EYS: variants seen among roughly 807,000 people sequenced by gnomAD.
EYS encodes EGF-like photoreceptor maintenance factor.
In EYS, 250 loss-of-function variants were observed where a neutral mutation model predicts 282.1. The ratio of observed to expected loss-of-function variants is 0.89; its 90% CI spans 0.80 to 0.98. The LOEUF (loss-of-function observed/expected upper bound fraction) is 0.98, where lower values mean the gene tolerates loss of function less well. Among genes scored for constraint, EYS ranks in the 50% least tolerant of loss-of-function variants. EYS has a pLI of 0.00. For synonymous variants in EYS, 1,355 were observed against 1,282.9 expected (o/e 1.06, Z -1.20); for missense variants, 4,016 against 3,709.0 (o/e 1.08, Z -2.15).
chr6:63,816,987 TTCCAAGTACAGAAGGAA>T lies in EYS; in HGVS notation c.7229-10632_7229-10616del, dbSNP rs1212176289. On this transcript the variant is annotated intron_variant, in intron 36 of 42. Transcript: ENST00000503581. Reference sequence around the variant, plus strand: ...AAGTCTTTTCTTTTATTGCATTTTGTTCCAAGTACAGAAGGAATCTCTGCATAATGGCCATTTGTTCT... The same window carrying T: ...AAGTCTTTTCTTTTATTGCATTTTGTTCTCTGCATAATGGCCATTTGTTCT... Among the ~76,000 whole-genome samples the T allele has an allele frequency of 4.6e-5, 7 of 152,222 alleles. No individual in the cohort carries two copies. In the East Asian group the frequency reaches 1.3e-3, roughly 29 times the overall value.
chr6:64,273,428 T>C (rs376693843), intron 30 of EYS, among the ~76,000 whole-genome samples: 6 of 152,330 alleles, frequency 3.9e-5, no homozygotes, highest in African/African-American at 1.4e-4. Context: ...TCAGTGTTTT[T>C]TTCCCCACCT....
chr6:64,566,111 T>C (rs1765560513), intron 26 of EYS, among the ~76,000 whole-genome samples: 1 of 152,118 alleles, frequency 6.6e-6, no homozygotes, highest in South Asian at 2.1e-4. Context: ...TTTCAAGCTA[T>C]AGGTGGCTTT....
intron 9 of EYS, among the ~76,000 whole-genome samples, chr6:65,344,902 C>A (rs1770336999): frequency 6.6e-6 from 1 of 151,498 alleles, no homozygotes; most frequent in Non-Finnish European, 1.5e-5. Context: ...TCCTAGTAAA[C>A]AAACAAAAAA....
intron 31 of EYS, among the ~76,000 whole-genome samples, chr6:64,150,469 GT>G (rs938237999): frequency 9.9e-5 from 15 of 152,058 alleles, no homozygotes; most frequent in African/African-American, 3.4e-4. Context: ...ACATATTCAA[GT>G]TTTTTTTCCA....
At chr6:64,218,640 C>G (rs1766003633) in intron 31 of EYS, among the ~76,000 whole-genome samples, 1 of 152,188 alleles carries the variant, frequency 6.6e-6, no homozygotes, top group Non-Finnish European at 1.5e-5. Context: ...TGAATAAAAT[C>G]TGTTTTCACT....
intron 35 of EYS, among the ~76,000 whole-genome samples, chr6:63,866,248 C>T (rs953997928): frequency 5.9e-5 from 9 of 152,064 alleles, no homozygotes; most frequent in African/African-American, 1.7e-4. Flanking sequence ...CTAAAGTATA[C>T]GTTAGAAACT....
intron 35 of EYS, among the ~76,000 whole-genome samples, chr6:63,945,783 A>G (rs943723575): frequency 4.6e-5 from 7 of 152,158 alleles, no homozygotes; most frequent in African/African-American, 1.4e-4. Flanking sequence ...TGTTTCATCA[A>G]AGTATTTACC....
At chr6:65,583,387 A>T (rs1261310068) in intron 2 of EYS, among the ~76,000 whole-genome samples, 2 of 152,086 alleles carry the variant, frequency 1.3e-5, no homozygotes, top group Non-Finnish European at 2.9e-5. Flanking sequence ...TCGTTAAGTA[A>T]GAATTACTTT....
At chr6:64,068,726 T>C (rs1348682601) in intron 32 of EYS, among the ~76,000 whole-genome samples, 1 of 152,082 alleles carries the variant, frequency 6.6e-6, no homozygotes, top group Non-Finnish European at 1.5e-5. Flanking sequence ...TTACCTTCTG[T>C]AAGCTTTACT....
intron 34 of EYS, among the ~76,000 whole-genome samples, chr6:63,996,013 T>C (rs1767817874): frequency 7.0e-6 from 1 of 142,458 alleles, no homozygotes; most frequent in African/African-American, 2.5e-5. Context: ...CTGAATTTGA[T>C]CATTCCACAA....
At chr6:64,552,863 G>A (rs1410286764) in intron 26 of EYS, among the ~76,000 whole-genome samples, 1 of 151,738 alleles carries the variant, frequency 6.6e-6, no homozygotes, top group Non-Finnish European at 1.5e-5. Context: ...AGGTTGCTGT[G>A]AGCAGAGATC....
chr6:64,349,292 C>T (rs935118200), intron 29 of EYS, among the ~76,000 whole-genome samples: 2 of 151,012 alleles, frequency 1.3e-5, no homozygotes, highest in African/African-American at 4.8e-5. Context: ...ATATGTAATA[C>T]AAATGACATA....
Position 64,659,625 on chromosome 6 carries a change from A to T in EYS, c.3444-33380T>A, listed in dbSNP as rs182118487. ...ATAAACACCTCTAAGCAAATAAACT[A>T]GAAAATCCAGAATAAATATATAAAT... is the stretch of plus-strand genomic sequence containing the variant. On this transcript the variant is annotated intron_variant, in intron 22 of 42. Coordinates refer to ENST00000503581, the MANE Select transcript of EYS (RefSeq NM_001142800.2). Among the ~76,000 whole-genome samples, 47 of 152,330 alleles carry T rather than the reference A, an allele frequency of 3.1e-4. 1 individual carries two copies. In the East Asian group the frequency reaches 8.9e-3, roughly 29 times the overall value.
At chr6:64,206,994 G>A (rs139478535) in intron 31 of EYS, among the ~76,000 whole-genome samples, 1 of 151,868 alleles carries the variant, frequency 6.6e-6, no homozygotes, top group Admixed American at 6.6e-5. Context: ...CCCGTAATAG[G>A]CCCCAGTGCG....
chr6:64,330,453 C>T (rs761585886), intron 29 of EYS, among the ~76,000 whole-genome samples: 2 of 152,172 alleles, frequency 1.3e-5, no homozygotes, highest in African/African-American at 2.4e-5. Context: ...AAGAGCAGGA[C>T]ACGGCCTTCA....
At chr6:65,179,664 C>A (rs1007061269) in intron 12 of EYS, among the ~76,000 whole-genome samples, 6 of 152,108 alleles carry the variant, frequency 3.9e-5, no homozygotes, top group African/African-American at 1.4e-4. Context: ...TGAAACTATT[C>A]CAATCATTAG....
intron 22 of EYS, among the ~76,000 whole-genome samples, chr6:64,763,599 C>T (rs555881940): frequency 1.4e-4 from 22 of 152,246 alleles, no homozygotes; most frequent in Non-Finnish European, 3.1e-4. Context: ...CTGGCCCCTC[C>T]TAAATCTCAT....
At chr6:65,475,756 G>C (rs10944810) in intron 5 of EYS, among the ~76,000 whole-genome samples, 41,590 of 145,300 alleles carry the variant, frequency 0.29, 6,018 homozygotes, top group African/African-American at 0.36. Context: ...CAGACAGACA[G>C]ACACACACAC....
intron 1 of EYS, among the ~76,000 whole-genome samples, chr6:65,682,223 ATAGT>A (rs1379607925): frequency 1.3e-5 from 2 of 151,900 alleles, no homozygotes; most frequent in Non-Finnish European, 2.9e-5. Context: ...AGCTGCAGTA[ATAGT>A]TTGTTTATGT....
Sources: allele counts gnomAD v4.1 joint callset (sites outside exome capture counted in the v4.1 genomes callset), GRCh38; gene constraint gnomAD v4.1.1; transcripts MANE v1.5; gene names NCBI Gene and HGNC (gene_info 2026-07-23, HGNC 2026-07-21).